The following PTPRM variants were observed in gnomAD, a reference collection of about 807,000 sequenced individuals.
PTPRM encodes the protein protein tyrosine phosphatase receptor type M.
A neutral mutation model predicts 186.7 loss-of-function variants in PTPRM; 47 were observed. The observed-to-expected ratio is 0.25, with a 90% CI of 0.20 to 0.32. PTPRM has a LOEUF of 0.32. PTPRM is among the 10% of genes least tolerant of loss of function. The pLI, the probability that PTPRM is intolerant of heterozygous loss-of-function variation, is 1.00. For synonymous variants in PTPRM, 668 were observed against 674.9 expected, an observed-to-expected ratio of 0.99 and a Z score of 0.16; for missense variants, 1,494 against 1,865.0, an observed-to-expected ratio of 0.80 and a Z score of 3.66.
At chr18:8,023,397 T>C (rs1219104850) in intron 7 of PTPRM, among the ~76,000 whole-genome samples, 2 of 152,204 alleles carry the variant, frequency 1.3e-5, no homozygotes, top group Admixed American at 6.5e-5. Context: ...AGGAGAGATA[T>C]ATAGGCTGAT....
At chr18:8,085,031 C>T (rs778317702) in intron 9 of PTPRM, among the ~76,000 whole-genome samples, 2 of 152,162 alleles carry the variant, frequency 1.3e-5, no homozygotes, top group South Asian at 2.1e-4. Flanking sequence ...TCACTAACCA[C>T]ATTTCAAATG....
At chr18:7,877,416 A>T (rs190353634) in intron 2 of PTPRM, among the ~76,000 whole-genome samples, 224 of 152,306 alleles carry the variant, frequency 1.5e-3, no homozygotes, top group African/African-American at 5.0e-3. Context: ...TCATTGATAC[A>T]CATAAATTTT....
intron 11 of PTPRM, among the ~76,000 whole-genome samples, chr18:8,104,938 T>C (rs2091451201): frequency 6.6e-6 from 1 of 152,246 alleles, no homozygotes. Context: ...GAGGTACTTA[T>C]AAGTGGCTTT....
intron 23 of PTPRM, among the ~76,000 whole-genome samples, chr18:8,352,647 G>GTTTTTTTTTTTTTT (rs2095540748): frequency 1.1e-5 from 1 of 87,050 alleles, no homozygotes; most frequent in Non-Finnish European, 2.6e-5. Flanking sequence ...TTTTTTTTTT[G>GTTTTTTTTTTTTTT]GTTTGGTTTT....
chr18:8,041,503 C>G (rs9966934), intron 7 of PTPRM, among the ~76,000 whole-genome samples: 3,484 of 152,054 alleles, frequency 0.023, 126 homozygotes, highest in African/African-American at 0.079. Context: ...GTCATTTCTA[C>G]TACAGTGTGG....
At position 8,221,817 on chromosome 18, in the gene PTPRM, G is replaced by A. The variant is rs528267251; in HGVS notation, c.2301-22241G>A. ...CAGATTTCCCTGTGCATAGTGAACT[G>A]TAACCTAAACAGACTGTAACCTACC... On this transcript the variant is annotated intron_variant, in intron 14 of 32. Coordinates refer to ENST00000580170, the MANE Select transcript of PTPRM (RefSeq NM_001105244.2). 1.2e-4 allele frequency among the ~76,000 whole-genome samples: 18 copies of A among 152,304 alleles called. No homozygotes were observed. The East Asian group carries it at 3.1e-3, about 26-fold the overall frequency.
chr18:7,711,343 A>G (rs1314627682), intron 1 of PTPRM, among the ~76,000 whole-genome samples: 1 of 152,212 alleles, frequency 6.6e-6, no homozygotes, highest in Non-Finnish European at 1.5e-5. Context: ...CCCACAGACC[A>G]GGATATTCCC....
At chr18:8,244,870 A>G (rs1486981053) in intron 15 of PTPRM, among the ~76,000 whole-genome samples, 3 of 152,090 alleles carry the variant, frequency 2.0e-5, no homozygotes, top group African/African-American at 4.8e-5. Flanking sequence ...CCAGAGGGAG[A>G]TACCTCACTC....
chr18:7,973,778 C>T (rs1386145428), intron 7 of PTPRM, among the ~76,000 whole-genome samples: 1 of 152,024 alleles, frequency 6.6e-6, no homozygotes, highest in Admixed American at 6.6e-5. Flanking sequence ...ATAAATCAGT[C>T]CAAATATATA....
intron 2 of PTPRM, among the ~76,000 whole-genome samples, chr18:7,834,546 T>C (rs2045939944): frequency 3.2e-5 from 1 of 31,394 alleles, no homozygotes; most frequent in Non-Finnish European, 6.9e-5. Flanking sequence ...ACTCATTCTT[T>C]CAGGTCAGTA....
intron 5 of PTPRM, 38 bp from the exon 6 acceptor site, chr18:7,949,143 A>G (rs7230992): frequency 7.3e-6 from 11 of 1,511,710 alleles, no homozygotes; most frequent in East Asian, 6.8e-5. Flanking sequence ...GACAGCTTAT[A>G]TTGCTTCTTT....
chr18:8,118,808 AAAAATAT>A (rs1330741167), intron 13 of PTPRM, among the ~76,000 whole-genome samples: 1 of 138,978 alleles, frequency 7.2e-6, no homozygotes, highest in Admixed American at 7.2e-5. Context: ...TCAAAAAAAA[AAAAATAT>A]ATATATATAT....
At chr18:8,187,343 G>A (rs2093655941) in intron 14 of PTPRM, among the ~76,000 whole-genome samples, 2 of 152,186 alleles carry the variant, frequency 1.3e-5, no homozygotes, top group South Asian at 4.1e-4. Context: ...GGTCTGTGGT[G>A]GGAGGGAATA....
At chr18:8,306,975 A>T (rs1049750224) in intron 20 of PTPRM, among the ~76,000 whole-genome samples, 6 of 152,202 alleles carry the variant, frequency 3.9e-5, no homozygotes, top group African/African-American at 1.4e-4. Flanking sequence ...AAGGTGAATG[A>T]TATTTCAAGA....
chr18:8,126,023 A>G (rs201419805), intron 13 of PTPRM, among the ~76,000 whole-genome samples: 1 of 46,002 alleles, frequency 2.2e-5, no homozygotes, highest in Non-Finnish European at 4.8e-5. Flanking sequence ...ATATATATAT[A>G]TATATTTTAA....
chr18:7,651,827 A>G (rs1171081879), intron 1 of PTPRM, among the ~76,000 whole-genome samples: 1 of 152,182 alleles, frequency 6.6e-6, no homozygotes, highest in Non-Finnish European at 1.5e-5. Flanking sequence ...ATTACCATTC[A>G]GGACATAGGC....
chr18:7,822,702 C>T (rs922997056), intron 2 of PTPRM, among the ~76,000 whole-genome samples: 10 of 152,124 alleles, frequency 6.6e-5, no homozygotes, highest in Non-Finnish European at 4.4e-5. Context: ...AAGGCCTCTG[C>T]GGACCTTGAA....
chr18:7,760,494 C>T (rs1035573620), intron 1 of PTPRM, among the ~76,000 whole-genome samples: 9 of 152,148 alleles, frequency 5.9e-5, no homozygotes, highest in Admixed American at 2.6e-4. Context: ...GCGCTGGGTT[C>T]GCCCTCGTGG....
At chr18:8,292,555 T>C (rs1466386915) in intron 19 of PTPRM, among the ~76,000 whole-genome samples, 1 of 152,224 alleles carries the variant, frequency 6.6e-6, no homozygotes, top group African/African-American at 2.4e-5. Context: ...GTGACATTTA[T>C]CTATGGAGGC....
Sources: gnomAD v4.1 joint callset for allele counts (sites outside exome capture counted in the v4.1 genomes callset) on GRCh38, gnomAD v4.1.1 for gene constraint, MANE v1.5 for transcripts, NCBI Gene and HGNC (gene_info 2026-07-23, HGNC 2026-07-21) for gene names.